Variants in HOMER2 observed in about 807,000 individuals in gnomAD.
HOMER2 encodes the protein homer protein homolog 2.
HOMER2 carries 27 observed loss-of-function variants against 47.0 expected under a neutral mutation model. The observed-to-expected ratio is 0.57, with a 90% CI of 0.42 to 0.79. The LOEUF is 0.79. HOMER2 is among the 30% of genes least tolerant of loss of function. HOMER2 has a pLI of 0.00. For missense variants in HOMER2, 443 were observed against 435.0 expected (o/e 1.02, Z -0.16); for synonymous variants, 161 against 163.8 (o/e 0.98, Z 0.13).
chr15:82,911,924 G>T (rs1187151357), intron 1 of HOMER2, among the ~76,000 whole-genome samples: 2 of 152,154 alleles, frequency 1.3e-5, no homozygotes, highest in East Asian at 3.9e-4. Context: ...CAGCCACTTG[G>T]GAGGCTGAGG....
At chr15:82,979,552 T>G (rs2030321487) in intron 1 of HOMER2, among the ~76,000 whole-genome samples, 1 of 152,182 alleles carries the variant, frequency 6.6e-6, no homozygotes, top group Non-Finnish European at 1.5e-5. Context: ...AGTTAGAGAC[T>G]GTCACCTTGG....
intron 1 of HOMER2, chr15:82,926,375 C>G (rs1411753016): frequency 2.6e-5 from 4 of 152,106 alleles, no homozygotes; most frequent in Non-Finnish European, 5.9e-5. Context: ...TTTGTCTGTC[C>G]CCTCCAAAAC....
Position 82,892,735 on chromosome 15 carries a change from A to G in HOMER2, c.112T>C (p.Tyr38His). 6.2e-7 allele frequency: 1 copy of G among 1,605,048 alleles called. No homozygotes were observed. Among genetic ancestry groups the G allele is most frequent in the South Asian group, 1.1e-5 (1 of 89,810 alleles). Reference sequence around the variant, plus strand: ...CGATAGCTGTTCCTTGTGACATCATAGAAGTAGGAAACGGTGACCGCCTGC... The same window carrying G: ...CGATAGCTGTTCCTTGTGACATCATGGAAGTAGGAAACGGTGACCGCCTGC... Reference protein sequence around the residue: ...SKQAVTVSYFYDVTRNSYRII... With the variant: ...SKQAVTVSYFHDVTRNSYRII... The change falls in exon 2 of 9, where the codon TAT becomes CAT. Residue 38 changes from tyrosine (Y) to histidine (H), a missense_variant. Coordinates refer to ENST00000450735, the MANE Select transcript of HOMER2 (RefSeq NM_004839.4).
At chr15:82,878,042 A>T (rs2052405045) in intron 2 of HOMER2, among the ~76,000 whole-genome samples, 1 of 152,214 alleles carries the variant, frequency 6.6e-6, no homozygotes. Context: ...AACCCTGGTC[A>T]TCTCTCAATT....
chr15:82,901,534 C>T (rs1462350979), intron 1 of HOMER2, among the ~76,000 whole-genome samples: 2 of 152,278 alleles, frequency 1.3e-5, no homozygotes, highest in South Asian at 2.1e-4. Flanking sequence ...GTCCAGAGCC[C>T]AGCAAATCTG....
At chr15:82,951,973 A>G (rs1467239696) in intron 1 of HOMER2, 1 of 765,718 alleles carries the variant, frequency 1.3e-6, no homozygotes, top group Non-Finnish European at 1.6e-6. Context: ...TTCCCTCCTG[A>G]GCATCTACTC....
chr15:82,973,566 G>A (rs1485641215), intron 1 of HOMER2, among the ~76,000 whole-genome samples: 1 of 152,158 alleles, frequency 6.6e-6, no homozygotes, highest in Non-Finnish European at 1.5e-5. Context: ...CAAAATGTTT[G>A]TATTAGAACC....
intron 1 of HOMER2, among the ~76,000 whole-genome samples, chr15:82,965,399 T>C (rs2054664385): frequency 6.6e-6 from 1 of 152,184 alleles, no homozygotes; most frequent in African/African-American, 2.4e-5. Context: ...AATGCTGAAA[T>C]AAAAGATACT....
At chr15:82,929,910 A>C (rs1277217997) in intron 1 of HOMER2, among the ~76,000 whole-genome samples, 2 of 151,392 alleles carry the variant, frequency 1.3e-5, no homozygotes. Flanking sequence ...TTGTATTTTT[A>C]GTAGAGATGG....
In HOMER2 at chr15:82,849,487, T is replaced by C; in HGVS notation, c.*228A>G. 1.8e-6 allele frequency: 1 copy of C among 559,554 alleles called. No homozygotes were observed. 34.7% of individuals were successfully genotyped at this position (559,554 alleles called of 1,614,324 possible). On this transcript the variant is annotated 3_prime_UTR_variant, in exon 9 of 9. Transcript: ENST00000450735. ...TAAATGTTGAAGGTAGACCTAGTTC[T>C]GGATTCCTGAGTCAGAATCTTCCAG...
chr15:82,908,497 CATG>C (rs1290477947), intron 1 of HOMER2, among the ~76,000 whole-genome samples: 1 of 152,126 alleles, frequency 6.6e-6, no homozygotes, highest in African/African-American at 2.4e-5. Context: ...TTTTATCTGA[CATG>C]ATAAGGAAGC....
At chr15:82,955,764 T>TA (rs1269287901), upstream of HOMER2, among the ~76,000 whole-genome samples, 6 of 152,368 alleles carry the variant, frequency 3.9e-5, no homozygotes, top group African/African-American at 1.4e-4. Context: ...GTGTATCTGG[T>TA]ACTGTGTTGG....
intron 1 of HOMER2, among the ~76,000 whole-genome samples, chr15:82,976,678 G>GTTTT (rs11422973): frequency 7.2e-5 from 9 of 125,190 alleles, no homozygotes; most frequent in East Asian, 2.3e-4. Flanking sequence ...TTTGTGTGTG[G>GTTTT]TTTTTTTTTT....
At chr15:82,939,264 T>C (rs2054208615) in intron 1 of HOMER2, among the ~76,000 whole-genome samples, 2 of 152,174 alleles carry the variant, frequency 1.3e-5, no homozygotes, top group Admixed American at 1.3e-4. Flanking sequence ...AACATACACG[T>C]CAATGGTAAT....
chr15:82,907,610 A>G (rs543391901), intron 1 of HOMER2, among the ~76,000 whole-genome samples: 13 of 152,238 alleles, frequency 8.5e-5, no homozygotes, highest in Non-Finnish European at 1.8e-4. Context: ...TGAACTCAAC[A>G]TCACGACATC....
At chr15:82,896,539 A>G (rs1211433749) in intron 1 of HOMER2, among the ~76,000 whole-genome samples, 1 of 152,226 alleles carries the variant, frequency 6.6e-6, no homozygotes, top group Non-Finnish European at 1.5e-5. Context: ...CTCTTGGTCA[A>G]CATGGTCAGG....
intron 1 of HOMER2, among the ~76,000 whole-genome samples, chr15:82,947,861 G>C (rs1232533161): frequency 6.6e-6 from 1 of 152,206 alleles, no homozygotes; most frequent in Non-Finnish European, 1.5e-5. Context: ...GAATACACTG[G>C]TGAAAAAGAT....
chr15:82,849,925 G>T, intron 8 of HOMER2, 22 bp from the exon 9 acceptor site: 1 of 1,610,768 alleles, frequency 6.2e-7, no homozygotes, highest in African/African-American at 1.3e-5. Context: ...AAAGGGAGAA[G>T]GGTCTAGAAA....
At chr15:82,911,690 T>C (rs1021433734) in intron 1 of HOMER2, among the ~76,000 whole-genome samples, 1 of 152,164 alleles carries the variant, frequency 6.6e-6, no homozygotes, top group South Asian at 2.1e-4. Flanking sequence ...TTGGCAAGTA[T>C]AGAGTTGCCA....
Sources: gnomAD v4.1 joint callset for allele counts (sites outside exome capture counted in the v4.1 genomes callset) on GRCh38, gnomAD v4.1.1 for gene constraint, MANE v1.5 for transcripts, NCBI Gene and HGNC (gene_info 2026-07-23, HGNC 2026-07-21) for gene names.